DACH1: variants seen among roughly 807,000 people sequenced by gnomAD.
DACH1 encodes dachshund homolog 1.
In DACH1, 12 loss-of-function variants were observed where a neutral mutation model predicts 54.2. The ratio of observed to expected loss-of-function variants is 0.22; its 90% CI spans 0.14 to 0.36. The LOEUF (loss-of-function observed/expected upper bound fraction) is 0.36. DACH1 is among the 10% of genes least tolerant of loss of function. DACH1 has a pLI of 1.00. For missense variants in DACH1, 805 were observed against 929.8 expected, an observed-to-expected ratio of 0.87 and a Z score of 1.75; for synonymous variants, 386 against 366.2, an observed-to-expected ratio of 1.05 and a Z score of -0.62.
intron 1 of DACH1, among the ~76,000 whole-genome samples, chr13:71,700,960 G>A (rs1405428409): frequency 6.6e-6 from 1 of 152,026 alleles, no homozygotes; most frequent in Non-Finnish European, 1.5e-5. Flanking sequence ...TATTTTCTAG[G>A]AACCTTTCCC....
In DACH1 at chr13:71,475,957, G is replaced by A. The variant is rs1877486210; in HGVS notation, c.1871-108C>T. ...ATATTATTCATTTTGTTTTCCTGCT[G>A]AACTGAGTCTACCTATAAAAAGAAA... On this transcript the variant is annotated intron_variant, in intron 8 of 10. Coordinates refer to ENST00000613252, the MANE Select transcript of DACH1 (RefSeq NM_080759.6). 5.0e-6 allele frequency: 4 copies of A among 798,082 alleles called. No homozygotes were observed. In the Admixed American group the frequency reaches 1.5e-4, roughly 31 times the overall value. 49.4% of individuals were successfully genotyped at this position (798,082 alleles called of 1,614,324 possible).
intron 1 of DACH1, among the ~76,000 whole-genome samples, chr13:71,817,598 C>G (rs751106452): frequency 6.6e-6 from 1 of 151,992 alleles, no homozygotes; most frequent in Non-Finnish European, 1.5e-5. Context: ...GTGGCACATG[C>G]TATCAGTGTA....
chr13:71,635,602 T>C (rs1271578642), intron 2 of DACH1, among the ~76,000 whole-genome samples: 1 of 152,138 alleles, frequency 6.6e-6, no homozygotes, highest in African/African-American at 2.4e-5. Flanking sequence ...TCAAGAATTG[T>C]CCACTGGTGT....
Position 71,676,919 on chromosome 13 carries a change from A to G in DACH1, c.964+4876T>C, listed in dbSNP as rs563110630. Among the ~76,000 whole-genome samples the G allele has an allele frequency of 6.6e-5, 10 of 152,340 alleles. No individual in the cohort carries two copies. The East Asian group carries it at 1.9e-3, about 29-fold the overall frequency. Reference sequence around the variant, plus strand: ...GGGAAAAGACATATCCAACAGACAAAACTACAAATCATTCATTCATTTAAT... The same window carrying G: ...GGGAAAAGACATATCCAACAGACAAGACTACAAATCATTCATTCATTTAAT... On this transcript the variant is annotated intron_variant, in intron 2 of 10. Coordinates refer to ENST00000613252, the MANE Select transcript of DACH1 (RefSeq NM_080759.6).
intron 4 of DACH1, among the ~76,000 whole-genome samples, chr13:71,567,980 T>G (rs982557573): frequency 2.0e-5 from 3 of 152,050 alleles, no homozygotes; most frequent in Admixed American, 2.0e-4. Flanking sequence ...ACATTTCAAC[T>G]TATTAGGAAT....
At chr13:71,831,234 G>C (rs1888576779) in intron 1 of DACH1, among the ~76,000 whole-genome samples, 1 of 151,568 alleles carries the variant, frequency 6.6e-6, no homozygotes, top group Admixed American at 6.6e-5. Flanking sequence ...TAATCTAACT[G>C]GAGTAATTTT....
intron 2 of DACH1, among the ~76,000 whole-genome samples, chr13:71,654,860 G>C (rs1281716640): frequency 6.6e-6 from 1 of 152,130 alleles, no homozygotes; most frequent in Non-Finnish European, 1.5e-5. Context: ...TGTTTATTTG[G>C]TACAGAGATA....
chr13:71,594,884 T>C (rs1211738381), intron 3 of DACH1, among the ~76,000 whole-genome samples: 1 of 152,126 alleles, frequency 6.6e-6, no homozygotes, highest in African/African-American at 2.4e-5. Context: ...ATGAGCAAAG[T>C]GGACAACAAA....
rs1408932210 is a variant in DACH1, at chr13:71,798,804, T to C, written c.848+67118A>G. On this transcript the variant is annotated intron_variant, in intron 1 of 10. Coordinates refer to ENST00000613252, the MANE Select transcript of DACH1 (RefSeq NM_080759.6). Reference sequence around the variant, plus strand: ...TCTCCTTCCCAGGCCCTGAATCATATGATCATTAACATATTGCAAGGTCTG... The same window carrying C: ...TCTCCTTCCCAGGCCCTGAATCATACGATCATTAACATATTGCAAGGTCTG... Among the ~76,000 whole-genome samples the C allele has an allele frequency of 5.3e-5, 8 of 152,078 alleles. 1 individual carries two copies. The highest frequency in any genetic ancestry group is 1.3e-4 in the Admixed American group (2 of 15,234).
At chr13:71,448,344 A>G (rs974477357) in intron 10 of DACH1, among the ~76,000 whole-genome samples, 3 of 152,188 alleles carry the variant, frequency 2.0e-5, no homozygotes, top group African/African-American at 7.2e-5. Context: ...TAATGTCTTC[A>G]TCATGTGAAG....
intron 1 of DACH1, among the ~76,000 whole-genome samples, chr13:71,712,803 C>T (rs1882783319): frequency 6.6e-6 from 1 of 151,958 alleles, no homozygotes; most frequent in African/African-American, 2.4e-5. Flanking sequence ...TTCCTTTACC[C>T]CCCAAAAAAT....
intron 1 of DACH1, among the ~76,000 whole-genome samples, chr13:71,812,653 T>G (rs1887761226): frequency 6.6e-6 from 1 of 152,174 alleles, no homozygotes; most frequent in South Asian, 2.1e-4. Flanking sequence ...GCGTTTAATA[T>G]GTATGTCCAA....
At chr13:71,511,471 T>C (rs1880770940) in intron 6 of DACH1, among the ~76,000 whole-genome samples, 1 of 151,800 alleles carries the variant, frequency 6.6e-6, no homozygotes, top group African/African-American at 2.4e-5. Flanking sequence ...AAAATATGAG[T>C]GCTTGATAAT....
intron 1 of DACH1, among the ~76,000 whole-genome samples, chr13:71,725,351 G>A (rs914352994): frequency 2.0e-5 from 3 of 151,956 alleles, no homozygotes; most frequent in South Asian, 2.1e-4. Flanking sequence ...CCAAAATATC[G>A]AATTCTACTT....
intron 1 of DACH1, among the ~76,000 whole-genome samples, chr13:71,804,861 C>T (rs303931): frequency 0.28 from 42,731 of 151,950 alleles, 6,375 homozygotes; most frequent in Middle Eastern, 0.33. Flanking sequence ...TAATTATTTA[C>T]CTACATATTT....
intron 1 of DACH1, among the ~76,000 whole-genome samples, chr13:71,726,866 C>T (rs1408522600): frequency 6.6e-6 from 1 of 151,708 alleles, no homozygotes; most frequent in Non-Finnish European, 1.5e-5. Flanking sequence ...ATAACTTTCT[C>T]AGAATTAAAA....
chr13:71,491,577 A>C (rs1373835570), intron 6 of DACH1, among the ~76,000 whole-genome samples: 2 of 152,214 alleles, frequency 1.3e-5, no homozygotes, highest in Non-Finnish European at 2.9e-5. Context: ...CAATATGTAC[A>C]TAAGAAATTA....
intron 1 of DACH1, among the ~76,000 whole-genome samples, chr13:71,801,402 A>C (rs1337275291): frequency 6.6e-6 from 1 of 152,160 alleles, no homozygotes; most frequent in Non-Finnish European, 1.5e-5. Context: ...AGGAATGTTT[A>C]GGACATGCCT....
rs150859335 is a variant in DACH1, at chr13:71,515,576, G to A, written c.1571-26428C>T. Among the ~76,000 whole-genome samples the A allele has an allele frequency of 7.2e-5, 11 of 151,868 alleles. No individual in the cohort carries two copies. In the East Asian group the frequency reaches 9.7e-4, roughly 13 times the overall value. On this transcript the variant is annotated intron_variant, in intron 6 of 10. Transcript: ENST00000613252. ...ATTTGAAATCCTCAGAAGGTTACAC[G>A]GTGCAACCCTCCAACAATATCTCTG...
Sources: allele counts gnomAD v4.1 joint callset (sites outside exome capture counted in the v4.1 genomes callset), GRCh38; gene constraint gnomAD v4.1.1; transcripts MANE v1.5; gene names NCBI Gene and HGNC (gene_info 2026-07-23, HGNC 2026-07-21).